Variants in LRBA observed in about 807,000 individuals in gnomAD.
LRBA encodes the protein lipopolysaccharide-responsive and beige-like anchor protein.
A neutral mutation model predicts 330.0 loss-of-function variants in LRBA; 176 were observed. The observed-to-expected ratio is 0.53, with a 90% CI of 0.47 to 0.60. LRBA has a LOEUF of 0.60. Among genes scored for constraint, LRBA ranks in the 20% least tolerant of loss-of-function variants. LRBA has a pLI of 0.00. For missense variants in LRBA, 3,259 were observed against 3,444.8 expected, an observed-to-expected ratio of 0.95 and a Z score of 1.35; for synonymous variants, 1,230 against 1,193.0, an observed-to-expected ratio of 1.03 and a Z score of -0.64.
Position 150,393,218 on chromosome 4 carries a change from T to G in LRBA, c.7194+22220A>C, listed in dbSNP as rs113257213. On this transcript the variant is annotated intron_variant, in intron 47 of 56. Coordinates refer to ENST00000651943, the MANE Select transcript of LRBA (RefSeq NM_001364905.1). ...CCTACAGGGTAGAGATTATATATAT[T>G]CATCTTTGTATTTTCTCAGAATTAA... Among the ~76,000 whole-genome samples the G allele has an allele frequency of 8.5e-3, 1,292 of 152,244 alleles. 15 individuals are homozygous for G. The highest frequency in any genetic ancestry group is 0.03 in the African/African-American group (1,229 of 41,548).
chr4:150,682,805 G>A (rs1010885499), intron 37 of LRBA, among the ~76,000 whole-genome samples: 7 of 151,920 alleles, frequency 4.6e-5, no homozygotes, highest in South Asian at 4.1e-4. Context: ...AAAATATAAT[G>A]TTTTCTAATA....
chr4:150,616,916 A>G (rs1775822062), intron 37 of LRBA, among the ~76,000 whole-genome samples: 2 of 152,238 alleles, frequency 1.3e-5, no homozygotes, highest in Non-Finnish European at 1.5e-5. Context: ...CTAGATATAG[A>G]GAAATATAAT....
chr4:150,758,370 C>T (rs892365146), intron 35 of LRBA, among the ~76,000 whole-genome samples: 9 of 152,130 alleles, frequency 5.9e-5, no homozygotes, highest in African/African-American at 2.2e-4. Context: ...TCTCTTCTTA[C>T]AAGGCCAAAA....
At chr4:150,711,758 A>T (rs1405615575) in intron 36 of LRBA, among the ~76,000 whole-genome samples, 3 of 152,222 alleles carry the variant, frequency 2.0e-5, no homozygotes, top group African/African-American at 4.8e-5. Context: ...TTTTAAACAC[A>T]TTTCTGTGTA....
At chr4:150,441,696 A>G (rs1384895560) in intron 44 of LRBA, among the ~76,000 whole-genome samples, 1 of 152,114 alleles carries the variant, frequency 6.6e-6, no homozygotes, top group Non-Finnish European at 1.5e-5. Context: ...TAATAAAGAA[A>G]TGAATTGAGT....
chr4:150,514,056 G>GT (rs1444549382), intron 40 of LRBA, among the ~76,000 whole-genome samples: 6 of 152,024 alleles, frequency 3.9e-5, no homozygotes, highest in African/African-American at 1.2e-4. Context: ...ACCTTTCATA[G>GT]TTTTTTTGTT....
chr4:150,357,665 T>TAA (rs781495242), intron 47 of LRBA, among the ~76,000 whole-genome samples: 30 of 146,622 alleles, frequency 2.0e-4, no homozygotes, highest in Admixed American at 4.0e-4. Context: ...TTTTTTTTTT[T>TAA]AAAAAAAACC....
intron 37 of LRBA, among the ~76,000 whole-genome samples, chr4:150,668,715 A>G (rs1200703111): frequency 6.6e-6 from 1 of 152,244 alleles, no homozygotes; most frequent in African/African-American, 2.4e-5. Flanking sequence ...TAGAAGGGAA[A>G]GATTATTTCA....
At chr4:150,687,775 T>C (rs1783755359) in intron 36 of LRBA, among the ~76,000 whole-genome samples, 1 of 151,994 alleles carries the variant, frequency 6.6e-6, no homozygotes, top group African/African-American at 2.4e-5. Flanking sequence ...CTAATTTTAC[T>C]ATTCATCCTT....
chr4:150,345,286 T>C (rs1736130726), intron 48 of LRBA, among the ~76,000 whole-genome samples: 1 of 152,196 alleles, frequency 6.6e-6, no homozygotes, highest in African/African-American at 2.4e-5. Context: ...TATTACATGA[T>C]TCGGGTTTAG....
chr4:150,988,784 G>A (rs184654101), intron 2 of LRBA, among the ~76,000 whole-genome samples: 6 of 152,128 alleles, frequency 3.9e-5, no homozygotes, highest in African/African-American at 1.4e-4. Context: ...TTCCCATGTT[G>A]GCCAGGATGG....
At chr4:150,562,808 A>ATT (rs5862925) in intron 40 of LRBA, among the ~76,000 whole-genome samples, 39 of 150,232 alleles carry the variant, frequency 2.6e-4, no homozygotes, top group African/African-American at 6.1e-4. Context: ...CTTTGAAATA[A>ATT]TTTTTTTTTT....
intron 46 of LRBA, among the ~76,000 whole-genome samples, chr4:150,433,282 AGGGT>A (rs1750674966): frequency 6.6e-6 from 1 of 152,090 alleles, no homozygotes; most frequent in Admixed American, 6.5e-5. Flanking sequence ...TTTTACAGGT[AGGGT>A]ATTTTAAAGA....
At chr4:150,399,775 G>A (rs1745219313) in intron 47 of LRBA, among the ~76,000 whole-genome samples, 2 of 152,214 alleles carry the variant, frequency 1.3e-5, no homozygotes, top group Non-Finnish European at 2.9e-5. Context: ...AGCTGGAGAT[G>A]TGCCTGGCCA....
intron 37 of LRBA, among the ~76,000 whole-genome samples, chr4:150,611,189 G>A (rs1276089325): frequency 6.6e-6 from 1 of 152,160 alleles, no homozygotes; most frequent in Non-Finnish European, 1.5e-5. Context: ...ATTACATTAT[G>A]CTCCTGGAAA....
chr4:150,929,372 T>C (rs2407548), intron 2 of LRBA, among the ~76,000 whole-genome samples: 1 of 152,050 alleles, frequency 6.6e-6, no homozygotes, highest in Admixed American at 6.5e-5. Context: ...TTGCTTCTCA[T>C]CCAGTCTTTC....
At chr4:150,903,308 C>T (rs181962338) in intron 13 of LRBA, among the ~76,000 whole-genome samples, 167 of 151,566 alleles carry the variant, frequency 1.1e-3, no homozygotes, top group Non-Finnish European at 1.7e-3. Flanking sequence ...CTGATTGAGC[C>T]CAGGAGTTTA....
intron 46 of LRBA, chr4:150,422,828 C>A (rs1581262511): frequency 6.9e-7 from 1 of 1,456,758 alleles, no homozygotes. Flanking sequence ...ACTTGCCCTG[C>A]AGCCAGGCTG....
In LRBA at chr4:150,882,064, C is replaced by A. The variant is rs568895552; in HGVS notation, c.2166-9309G>T. Among the ~76,000 whole-genome samples, 11 of 149,302 alleles carry A rather than the reference C, an allele frequency of 7.4e-5. No homozygotes were observed. The South Asian group carries it at 2.1e-3, about 29-fold the overall frequency. On this transcript the variant is annotated intron_variant, in intron 17 of 56. Coordinates refer to ENST00000651943, the MANE Select transcript of LRBA (RefSeq NM_001364905.1). ...TGGAGCCATTGCACTCCAGCCTGGGCAACAAGAGCAAAACTCTGTCTCAAA... is the reference window on the plus strand; with the variant it reads ...TGGAGCCATTGCACTCCAGCCTGGGAAACAAGAGCAAAACTCTGTCTCAAA...
Sources: gnomAD v4.1 joint callset for allele counts (sites outside exome capture counted in the v4.1 genomes callset) on GRCh38, gnomAD v4.1.1 for gene constraint, MANE v1.5 for transcripts, NCBI Gene and HGNC (gene_info 2026-07-23, HGNC 2026-07-21) for gene names.